Variants in SCLT1 observed in about 807,000 individuals in gnomAD.
The protein encoded by SCLT1 is sodium channel-associated protein 1.
A neutral mutation model predicts 112.8 loss-of-function variants in SCLT1; 78 were observed. The observed-to-expected ratio is 0.69, with a 90% confidence interval of 0.58 to 0.83. The LOEUF (loss-of-function observed/expected upper bound fraction) is 0.83, where lower values mean the gene tolerates loss of function less well. SCLT1 is among the 40% of genes least tolerant of loss of function. The probability of loss-of-function intolerance (pLI) is 0.00; values close to 1 mark genes in which losing one functional copy is unlikely to be tolerated. For synonymous variants in SCLT1, 257 were observed against 254.7 expected (o/e 1.01, Z -0.09); for missense variants, 747 against 770.4 (o/e 0.97, Z 0.36).
chr4:129,086,374 A>G (rs1000685802), intron 1 of SCLT1, among the ~76,000 whole-genome samples: 3 of 151,952 alleles, frequency 2.0e-5, no homozygotes, highest in Non-Finnish European at 4.4e-5. Flanking sequence ...ATTTACTAAT[A>G]TTTTATTTTG....
chr4:129,011,776 T>C (rs1384964221), intron 5 of SCLT1, among the ~76,000 whole-genome samples: 4 of 152,134 alleles, frequency 2.6e-5, no homozygotes, highest in South Asian at 2.1e-4. Context: ...AGGGTGTATG[T>C]GTCTAGAAAT....
intron 2 of SCLT1, among the ~76,000 whole-genome samples, chr4:129,073,488 T>C (rs1056164607): frequency 6.6e-6 from 1 of 152,184 alleles, no homozygotes; most frequent in African/African-American, 2.4e-5. Flanking sequence ...AATAACATTT[T>C]ATAAAACAGT....
At chr4:129,023,754 C>T (rs191906720) in intron 5 of SCLT1, among the ~76,000 whole-genome samples, 33 of 152,234 alleles carry the variant, frequency 2.2e-4, no homozygotes, top group South Asian at 8.3e-4. Flanking sequence ...ACTCGGGAAG[C>T]GCAAGGGGTC....
intron 5 of SCLT1, among the ~76,000 whole-genome samples, chr4:129,027,060 T>C (rs907350045): frequency 6.6e-6 from 1 of 152,204 alleles, no homozygotes; most frequent in African/African-American, 2.4e-5. Flanking sequence ...CAATAATCAA[T>C]AACTTACCAA....
At chr4:129,029,704 CA>C (rs1250208722) in intron 5 of SCLT1, among the ~76,000 whole-genome samples, 1 of 151,440 alleles carries the variant, frequency 6.6e-6, no homozygotes, top group Non-Finnish European at 1.5e-5. Context: ...AAAAAAACCC[CA>C]AAAAGACAAA....
chr4:129,071,931 G>T (rs1164731598), intron 2 of SCLT1, among the ~76,000 whole-genome samples: 2 of 152,112 alleles, frequency 1.3e-5, no homozygotes, highest in African/African-American at 4.8e-5. Context: ...ATGCTTTAAA[G>T]AGGTTCTGTT....
At chr4:129,058,472 T>C (rs1216817957) in intron 2 of SCLT1, among the ~76,000 whole-genome samples, 6 of 152,210 alleles carry the variant, frequency 3.9e-5, no homozygotes, top group African/African-American at 1.4e-4. Context: ...CATTGACCTA[T>C]TGGTCATTCA....
At chr4:129,018,740 A>T (rs946774340) in intron 5 of SCLT1, among the ~76,000 whole-genome samples, 3 of 152,178 alleles carry the variant, frequency 2.0e-5, no homozygotes, top group African/African-American at 7.2e-5. Context: ...GTCAAAGTCA[A>T]ATATTTTTAA....
intron 9 of SCLT1, among the ~76,000 whole-genome samples, chr4:128,979,255 C>A (rs925476831): frequency 6.6e-6 from 1 of 152,112 alleles, no homozygotes; most frequent in Admixed American, 6.5e-5. Context: ...TGTGTCCCTG[C>A]AAAATTCATA....
At chr4:129,074,027 T>C (rs1329641441) in intron 2 of SCLT1, among the ~76,000 whole-genome samples, 2 of 152,188 alleles carry the variant, frequency 1.3e-5, no homozygotes, top group East Asian at 3.8e-4. Flanking sequence ...TAAGATATGC[T>C]ACATTTTCAA....
Position 129,053,557 on chromosome 4 carries a change from A to ATTTTTTTTT in SCLT1, c.103-9515_103-9507dup, listed in dbSNP as rs528905688. Among the ~76,000 whole-genome samples the ATTTTTTTTT allele has an allele frequency of 9.9e-4, 45 of 45,236 alleles. 5 individuals are homozygous for ATTTTTTTTT. Among genetic ancestry groups the ATTTTTTTTT allele is most frequent in the South Asian group, 2.3e-3 (2 of 868 alleles). 29.7% of individuals were successfully genotyped at this position (45,236 alleles called of 152,430 possible). A position where few individuals can be genotyped will look rare whatever the true frequency, so the allele number is the denominator to read the frequency against. ...TTAGAGACTAGGATTGCAATCCCTG[A>ATTTTTTTTT]TTTTTTTTTTTTTTTTTTTTTTTTT... On this transcript the variant is annotated intron_variant, in intron 2 of 20. Coordinates refer to ENST00000281142, the MANE Select transcript of SCLT1 (RefSeq NM_144643.4).
intron 18 of SCLT1, among the ~76,000 whole-genome samples, chr4:128,921,210 A>C (rs1266395818): frequency 2.0e-5 from 3 of 152,226 alleles, no homozygotes; most frequent in Non-Finnish European, 4.4e-5. Flanking sequence ...CAATATTGTT[A>C]AAATGGTCAT....
chr4:129,057,663 G>A (rs973339190), intron 2 of SCLT1, among the ~76,000 whole-genome samples: 3 of 151,000 alleles, frequency 2.0e-5, no homozygotes, highest in Non-Finnish European at 4.4e-5. Flanking sequence ...GAGGGTTCTG[G>A]GAATTTATCC....
chr4:128,884,679 T>A (rs1414375743), intron 20 of SCLT1, 140 bp from the exon 21 acceptor site: 8 of 618,810 alleles, frequency 1.3e-5, no homozygotes, highest in Non-Finnish European at 2.3e-5. Context: ...CTTTTTCTTT[T>A]TGAGGCAATC....
chr4:128,981,484 T>C (rs1288495039), intron 9 of SCLT1, among the ~76,000 whole-genome samples: 1 of 152,178 alleles, frequency 6.6e-6, no homozygotes, highest in Non-Finnish European at 1.5e-5. Flanking sequence ...CCTTTTAAGA[T>C]GTCTTTCCAG....
At chr4:128,887,562 G>GTT (rs1732979940) in intron 20 of SCLT1, among the ~76,000 whole-genome samples, 1 of 152,038 alleles carries the variant, frequency 6.6e-6, no homozygotes, top group African/African-American at 2.4e-5. Flanking sequence ...AATTTGATTT[G>GTT]TTTTTGTTTT....
chr4:128,952,663 C>T (rs1738856083), intron 14 of SCLT1, 106 bp downstream of exon 14: 3 of 753,810 alleles, frequency 4.0e-6, no homozygotes, highest in African/African-American at 1.7e-5. Context: ...CTAGCCAGGG[C>T]TTGGTTTAAT....
chr4:128,957,082 T>C lies in SCLT1; in HGVS notation c.1090A>G (p.Met364Val). ...EKQKEEDIEK[M>V]KETVSRFVQD... ...ACAAACCGAGAAACTGTCTCTTTCATTTTCTCTATGTCTTCTTCTTTTTGC... is the reference window on the plus strand; with the variant it reads ...ACAAACCGAGAAACTGTCTCTTTCACTTTCTCTATGTCTTCTTCTTTTTGC... The change falls in exon 13 of 21, where the codon ATG becomes GTG. Residue 364 changes from methionine (M) to valine (V), a missense_variant. Coordinates refer to ENST00000281142, the MANE Select transcript of SCLT1 (RefSeq NM_144643.4). 2 of 1,603,164 alleles carry C rather than the reference T, an allele frequency of 1.2e-6. No homozygotes were observed. Among genetic ancestry groups the C allele is most frequent in the Non-Finnish European group, 8.5e-7 (1 of 1,173,254 alleles).
At chr4:129,007,572 T>C (rs1744137630) in intron 5 of SCLT1, among the ~76,000 whole-genome samples, 1 of 152,214 alleles carries the variant, frequency 6.6e-6, no homozygotes, top group Non-Finnish European at 1.5e-5. Context: ...AGCACTTCCA[T>C]GGTATACATA....
Sources: allele counts gnomAD v4.1 joint callset (sites outside exome capture counted in the v4.1 genomes callset), GRCh38; gene constraint gnomAD v4.1.1; transcripts MANE v1.5; gene names NCBI Gene and HGNC (gene_info 2026-07-23, HGNC 2026-07-21).